Variants in PRKAG2 observed in about 807,000 individuals in gnomAD.
The protein encoded by PRKAG2 is protein kinase AMP-activated non-catalytic subunit gamma 2.
A neutral mutation model predicts 69.6 loss-of-function variants in PRKAG2; 26 were observed. That is an observed-to-expected ratio of 0.37 (90% confidence interval 0.27 to 0.52). The LOEUF (loss-of-function observed/expected upper bound fraction) is 0.52, where lower values mean the gene tolerates loss of function less well. Ranked by LOEUF, PRKAG2 falls within the 20% of genes least tolerant of loss-of-function variation. The pLI is 0.90. For missense variants in PRKAG2, 557 were observed against 740.0 expected (o/e 0.75, Z 2.87); for synonymous variants, 293 against 285.0 (o/e 1.03, Z -0.28).
rs1248103451 is a variant in PRKAG2 at position 151,807,711 on chromosome 7, G to C, written c.115-21170C>G. ...GCCTATTCCCGGGCCCCTCACTTGG[G>C]TCAAGGCAGCATTTCAGAGGAAGCC... is the stretch of plus-strand genomic sequence containing the variant. On this transcript the variant is annotated intron_variant, in intron 1 of 15. Transcript: ENST00000287878. The surrounding 1 kb of genome is among the most constrained non-coding windows in gnomAD (Gnocchi z 4.4). 1 of 415,624 alleles carries C rather than the reference G, an allele frequency of 2.4e-6. No individual in the cohort carries two copies. The highest frequency in any genetic ancestry group is 7.2e-5 in the East Asian group (1 of 13,898). The allele number at this position is 415,624 out of a possible 1,614,324, so 25.7% of individuals were successfully genotyped here. A position where few individuals can be genotyped will look rare whatever the true frequency, so the allele number is the denominator to read the frequency against.
chr7:151,697,076 A>G (rs1310367316), intron 3 of PRKAG2, among the ~76,000 whole-genome samples: 1 of 151,872 alleles, frequency 6.6e-6, no homozygotes, highest in East Asian at 1.9e-4. Context: ...GGCATGGGGA[A>G]GGGGTGTGTA....
At chr7:151,833,098 G>C (rs371133527) in intron 1 of PRKAG2, among the ~76,000 whole-genome samples, 1 of 152,194 alleles carries the variant, frequency 6.6e-6, no homozygotes, top group Non-Finnish European at 1.5e-5. Flanking sequence ...GTGGAGAGGC[G>C]CATGTCAAAA....
chr7:151,762,047 C>G (rs2075443497), intron 3 of PRKAG2, among the ~76,000 whole-genome samples: 1 of 152,188 alleles, frequency 6.6e-6, no homozygotes, highest in Non-Finnish European at 1.5e-5. Flanking sequence ...GGGGCCATGC[C>G]CTGAGTTAAA....
intron 11 of PRKAG2, 141 bp from the exon 12 acceptor site, chr7:151,566,026 A>G (rs1806175994): frequency 7.6e-6 from 7 of 919,000 alleles, no homozygotes; most frequent in Non-Finnish European, 1.2e-5. Flanking sequence ...CTGAATTAAC[A>G]TGAGAAAATT....
rs1244047729 is a variant in PRKAG2, at chr7:151,777,165, G to A, written c.466+3987C>T. On this transcript the variant is annotated intron_variant, in intron 3 of 15. Coordinates refer to ENST00000287878, the MANE Select transcript of PRKAG2 (RefSeq NM_016203.4). The surrounding 1 kb of genome is among the most constrained non-coding windows in gnomAD (Gnocchi z 4.3). ...GCAGACCACAGGCCCCAATGGAAGGGGCCATGGCCAGGTTCAGCATGGGCC... is the reference window on the plus strand; with the variant it reads ...GCAGACCACAGGCCCCAATGGAAGGAGCCATGGCCAGGTTCAGCATGGGCC... Among the ~76,000 whole-genome samples the A allele has an allele frequency of 1.3e-5, 2 of 152,174 alleles. No homozygotes were observed. The highest frequency in any genetic ancestry group is 2.9e-5 in the Non-Finnish European group (2 of 68,026).
rs144154245 is a variant in PRKAG2 at position 151,798,506 on chromosome 7, C to T, written c.115-11965G>A. Reference sequence around the variant, plus strand: ...ATTTTTCTATTTTTAGTAGAGATGGCGTTTTCCCATGTTGTCCAGGCTGGT... The same window carrying T: ...ATTTTTCTATTTTTAGTAGAGATGGTGTTTTCCCATGTTGTCCAGGCTGGT... On this transcript the variant is annotated intron_variant, in intron 1 of 15. Transcript: ENST00000287878. Among the ~76,000 whole-genome samples the T allele has an allele frequency of 2.0e-4, 30 of 151,916 alleles. No individual in the cohort carries two copies. The East Asian group carries it at 2.9e-3, about 15-fold the overall frequency.
chr7:151,640,891 A>T (rs939275568), intron 4 of PRKAG2, among the ~76,000 whole-genome samples: 9 of 152,240 alleles, frequency 5.9e-5, no homozygotes, highest in African/African-American at 1.9e-4. Flanking sequence ...TATTTGAGTG[A>T]AATGAATTGT....
chr7:151,774,083 G>T (rs2076216847), intron 3 of PRKAG2, among the ~76,000 whole-genome samples: 1 of 152,182 alleles, frequency 6.6e-6, no homozygotes, highest in African/African-American at 2.4e-5. Flanking sequence ...GAAAAGTGGG[G>T]CATTGTTTTG....
intron 1 of PRKAG2, among the ~76,000 whole-genome samples, chr7:151,832,205 GGGAGGAAGA>G (rs2079040866): frequency 7.3e-6 from 1 of 136,508 alleles, no homozygotes; most frequent in Non-Finnish European, 1.6e-5. Context: ...ACTGATTAGA[GGGAGGAAGA>G]GGAGGGGAGG....
chr7:151,558,386 C>G, intron 15 of PRKAG2: 3 of 985,450 alleles, frequency 3.0e-6, no homozygotes, highest in Non-Finnish European at 3.6e-6. Flanking sequence ...ATTGCACACA[C>G]ATGGCTTTTG....
At chr7:151,576,012 C>T (rs183486216) in intron 7 of PRKAG2, among the ~76,000 whole-genome samples, 60 of 145,730 alleles carry the variant, frequency 4.1e-4, no homozygotes, top group Admixed American at 1.3e-3. Context: ...GACAGGGTCT[C>T]GCTCTGTCAC....
At chr7:151,691,170 T>A (rs956225877) in intron 3 of PRKAG2, among the ~76,000 whole-genome samples, 1 of 152,208 alleles carries the variant, frequency 6.6e-6, no homozygotes, top group African/African-American at 2.4e-5. Context: ...AATACGTGCA[T>A]ATGACCTATA....
chr7:151,565,330 AAATTAAAATACTTAC>A lies in PRKAG2; in HGVS notation c.1437+1_1437+15del. 7.2e-7 allele frequency: 1 copy of A among 1,380,846 alleles called. No individual in the cohort carries two copies. 85.5% of individuals were successfully genotyped at this position (1,380,846 alleles called of 1,614,324 possible). On this transcript the variant is annotated splice_donor_variant and splice_donor_5th_base_variant and intron_variant, in intron 13 of 15. Transcript: ENST00000287878. LOFTEE classifies it high-confidence loss of function. ...TGCATTCTAGGTGACAGATTGAACA[AAATTAAAATACTTAC>A]AATTACATCAAATTTGGAATAAATA... is the stretch of plus-strand genomic sequence containing the variant.
At chr7:151,773,034 AG>A (rs1563639601) in intron 3 of PRKAG2, among the ~76,000 whole-genome samples, 2 of 30,248 alleles carry the variant, frequency 6.6e-5, no homozygotes, top group Non-Finnish European at 1.4e-4. Context: ...AGAGAGAGAG[AG>A]AGAGAGAGAG....
At chr7:151,766,296 A>G (rs761593840) in intron 3 of PRKAG2, among the ~76,000 whole-genome samples, 1 of 152,180 alleles carries the variant, frequency 6.6e-6, no homozygotes, top group Non-Finnish European at 1.5e-5. Context: ...TTTCCTTTAA[A>G]TGATGGTAGG....
chr7:151,750,056 C>T (rs1412999717), intron 3 of PRKAG2, among the ~76,000 whole-genome samples: 1 of 144,506 alleles, frequency 6.9e-6, no homozygotes, highest in African/African-American at 2.6e-5. Flanking sequence ...GAGATGGTGC[C>T]ACTGCATTCC....
intron 4 of PRKAG2, among the ~76,000 whole-genome samples, chr7:151,670,688 T>G (rs1399864461): frequency 1.3e-5 from 2 of 152,232 alleles, no homozygotes; most frequent in Admixed American, 6.5e-5. Flanking sequence ...CTTCCTTTGT[T>G]CAATTAGTAG....
intron 3 of PRKAG2, among the ~76,000 whole-genome samples, chr7:151,726,449 C>A (rs1333644605): frequency 1.3e-5 from 2 of 151,824 alleles, no homozygotes; most frequent in South Asian, 4.2e-4. Flanking sequence ...TGGCTGCGTG[C>A]GTACCCTACT....
intron 3 of PRKAG2, among the ~76,000 whole-genome samples, chr7:151,713,733 C>G (rs1009125399): frequency 2.0e-5 from 3 of 151,930 alleles, no homozygotes; most frequent in Non-Finnish European, 4.4e-5. Flanking sequence ...GTGCAGGCCA[C>G]CACACCCAGT....
Sources: allele counts gnomAD v4.1 joint callset (sites outside exome capture counted in the v4.1 genomes callset), GRCh38; gene constraint gnomAD v4.1.1; non-coding constraint Gnocchi (gnomAD v3.1); transcripts MANE v1.5; gene names NCBI Gene and HGNC (gene_info 2026-07-23, HGNC 2026-07-21).